Variants in ADAM10 observed in about 807,000 individuals in gnomAD.
ADAM10 encodes disintegrin and metalloproteinase domain-containing protein 10.
Under a neutral mutation model 90.1 loss-of-function variants are expected in ADAM10, and 17 were observed. That is an observed-to-expected ratio of 0.19 (90% CI 0.13 to 0.28). The LOEUF is 0.28. Among genes scored for constraint, ADAM10 ranks in the 10% least tolerant of loss-of-function variants. ADAM10 has a pLI of 1.00. For synonymous variants in ADAM10, 310 were observed against 298.6 expected (o/e 1.04, Z -0.40); for missense variants, 610 against 914.3 (o/e 0.67, Z 4.29).
At chr15:58,743,698 G>A (rs186536266) in intron 1 of ADAM10, among the ~76,000 whole-genome samples, 6 of 151,806 alleles carry the variant, frequency 4.0e-5, no homozygotes, top group South Asian at 2.1e-4. Flanking sequence ...TCCACCTCCC[G>A]GGTTCAAGCG....
At chr15:58,737,282 C>T (rs1899461087) in intron 1 of ADAM10, among the ~76,000 whole-genome samples, 1 of 152,058 alleles carries the variant, frequency 6.6e-6, no homozygotes, top group Non-Finnish European at 1.5e-5. Context: ...TATGACAAAA[C>T]TGAAATGGTT....
chr15:58,634,053 G>A (rs1015648371), intron 8 of ADAM10, among the ~76,000 whole-genome samples: 3 of 152,140 alleles, frequency 2.0e-5, no homozygotes, highest in Admixed American at 1.3e-4. Context: ...GCTCACGCCT[G>A]TAATCCCAGC....
intron 2 of ADAM10, among the ~76,000 whole-genome samples, chr15:58,711,980 G>C (rs1276158059): frequency 6.6e-6 from 1 of 151,816 alleles, no homozygotes; most frequent in Non-Finnish European, 1.5e-5. Context: ...GCAAACAAAA[G>C]GCATAAGTTA....
At chr15:58,672,786 C>CAAAAAAAAAAAAAAAAAAAAAAAAAAAA (rs58659295) in intron 4 of ADAM10, 10 of 60,836 alleles carry the variant, frequency 1.6e-4, no homozygotes, top group African/African-American at 6.0e-4. Flanking sequence ...CCTCATGCAG[C>CAAAAAAAAAAAAAAAAAAAAAAAAAAAA]AAAAAAAAAA....
chr15:58,680,405 G>C (rs1179483758), intron 3 of ADAM10, among the ~76,000 whole-genome samples: 1 of 152,144 alleles, frequency 6.6e-6, no homozygotes, highest in South Asian at 2.1e-4. Context: ...TTACAGGCGT[G>C]AGTCACCACG....
At chr15:58,609,932 T>A (rs1895390982) in intron 14 of ADAM10, 1 of 263,790 alleles carries the variant, frequency 3.8e-6, no homozygotes. Flanking sequence ...AAATCACCAA[T>A]TAGTCCACGA....
intron 1 of ADAM10, among the ~76,000 whole-genome samples, chr15:58,745,860 T>C (rs765304054): frequency 6.6e-6 from 1 of 152,138 alleles, no homozygotes; most frequent in Non-Finnish European, 1.5e-5. Context: ...CTCTGCACAA[T>C]AGGAATACAG....
chr15:58,650,242 G>T lies in ADAM10; in HGVS notation c.586-4038C>A, dbSNP rs570813606. Among the ~76,000 whole-genome samples, 4 of 152,114 alleles carry T rather than the reference G, an allele frequency of 2.6e-5. No homozygotes were observed. The East Asian group carries it at 7.7e-4, about 29-fold the overall frequency. On this transcript the variant is annotated intron_variant, in intron 5 of 15. Transcript: ENST00000260408. ...TGTTGTTTTGTTTGTTCATATACTGGTTACATTGAACTGAGTGCCAGGCTA... is the reference window on the plus strand; with the variant it reads ...TGTTGTTTTGTTTGTTCATATACTGTTTACATTGAACTGAGTGCCAGGCTA...
chr15:58,632,638 C>T (rs1397371267), intron 9 of ADAM10, among the ~76,000 whole-genome samples: 1 of 152,148 alleles, frequency 6.6e-6, no homozygotes, highest in African/African-American at 2.4e-5. Flanking sequence ...CTTTGTTGCA[C>T]TATTTGTTCT....
intron 11 of ADAM10, among the ~76,000 whole-genome samples, chr15:58,620,187 C>G (rs1174224046): frequency 6.6e-6 from 1 of 152,026 alleles, no homozygotes. Context: ...TTGAACTGGC[C>G]GGGTGCGGTG....
chr15:58,707,330 G>A (rs1443259906), intron 2 of ADAM10: 2 of 151,916 alleles, frequency 1.3e-5, no homozygotes, highest in African/African-American at 4.8e-5. Flanking sequence ...GCTGCAGTGA[G>A]CTGAGATCAC....
chr15:58,604,207 A>T (rs1895200602), intron 14 of ADAM10, among the ~76,000 whole-genome samples: 1 of 152,066 alleles, frequency 6.6e-6, no homozygotes, highest in African/African-American at 2.4e-5. Context: ...GCTAAAATAC[A>T]AAAATTGGCC....
At chr15:58,704,779 G>T (rs1464624428) in intron 2 of ADAM10, among the ~76,000 whole-genome samples, 2 of 152,302 alleles carry the variant, frequency 1.3e-5, no homozygotes, top group South Asian at 4.1e-4. Context: ...TACCCTCAGA[G>T]TAACAGTACA....
At chr15:58,647,248 A>AATTTTTTTTTTTTTTTTT (rs1896571373) in intron 5 of ADAM10, among the ~76,000 whole-genome samples, 1 of 59,602 alleles carries the variant, frequency 1.7e-5, no homozygotes, top group African/African-American at 5.4e-5. Flanking sequence ...GACACTAAGT[A>AATTTTTTTTTTTTTTTTT]TTTTTTTTTT....
intron 5 of ADAM10, among the ~76,000 whole-genome samples, chr15:58,648,008 C>A (rs1163889719): frequency 2.0e-5 from 3 of 152,142 alleles, no homozygotes; most frequent in African/African-American, 4.8e-5. Flanking sequence ...TTGACATTTC[C>A]TTCTCCCTTA....
chr15:58,629,891 C>T (rs62002364), intron 9 of ADAM10, among the ~76,000 whole-genome samples: 6,708 of 152,102 alleles, frequency 0.044, 191 homozygotes, highest in Non-Finnish European at 0.061. Flanking sequence ...CTTAGCTTCT[C>T]GAGTAGCTGG....
At chr15:58,619,224 C>T (rs186227260) in intron 11 of ADAM10, among the ~76,000 whole-genome samples, 52 of 152,124 alleles carry the variant, frequency 3.4e-4, no homozygotes, top group Admixed American at 1.9e-3. Flanking sequence ...TAAAATAAGC[C>T]AGACATAGAA....
At chr15:58,645,984 A>G (rs1398355123) in intron 6 of ADAM10, 71 bp downstream of exon 6, 2 of 1,552,854 alleles carry the variant, frequency 1.3e-6, no homozygotes, top group Non-Finnish European at 1.8e-6. Context: ...ACTAACTTAA[A>G]TTTTTAAAGG....
chr15:58,680,621 A>G (rs1371618089), intron 3 of ADAM10, among the ~76,000 whole-genome samples: 1 of 152,238 alleles, frequency 6.6e-6, no homozygotes, highest in Admixed American at 6.5e-5. Flanking sequence ...GGTGAGCACC[A>G]AAATCAAATG....
Sources: gnomAD v4.1 joint callset for allele counts (sites outside exome capture counted in the v4.1 genomes callset) on GRCh38, gnomAD v4.1.1 for gene constraint, MANE v1.5 for transcripts, NCBI Gene and HGNC (gene_info 2026-07-23, HGNC 2026-07-21) for gene names.